GARNL3: variants seen among roughly 807,000 people sequenced by gnomAD.
GARNL3 encodes GTPase-activating Rap/Ran-GAP domain-like protein 3.
A neutral mutation model predicts 125.0 loss-of-function variants in GARNL3; 63 were observed. The observed-to-expected ratio is 0.50, with a 90% CI of 0.41 to 0.62. The LOEUF is 0.62. GARNL3 is among the 20% of genes least tolerant of loss of function. The pLI, the probability that GARNL3 is intolerant of heterozygous loss-of-function variation, is 0.00. For synonymous variants in GARNL3, 439 were observed against 457.5 expected (o/e 0.96, Z 0.52); for missense variants, 994 against 1,244.0 (o/e 0.80, Z 3.02).
At chr9:127,227,413 C>A (rs2062932281) in intron 1 of GARNL3, among the ~76,000 whole-genome samples, 1 of 152,112 alleles carries the variant, frequency 6.6e-6, no homozygotes, top group African/African-American at 2.4e-5. Flanking sequence ...CCAGCTTGGC[C>A]AACATGGTGA....
intron 7 of GARNL3, among the ~76,000 whole-genome samples, chr9:127,329,773 T>C (rs947254908): frequency 6.6e-6 from 1 of 152,110 alleles, no homozygotes; most frequent in Non-Finnish European, 1.5e-5. Flanking sequence ...GGTCCTACCG[T>C]TCACTTAGTT....
intron 2 of GARNL3, among the ~76,000 whole-genome samples, chr9:127,249,608 A>C (rs942824855): frequency 6.6e-6 from 1 of 152,148 alleles, no homozygotes; most frequent in Non-Finnish European, 1.5e-5. Context: ...TAGATAAATA[A>C]ATAAAAGATT....
intron 7 of GARNL3, among the ~76,000 whole-genome samples, chr9:127,331,044 C>T (rs1025742301): frequency 6.6e-6 from 1 of 152,058 alleles, no homozygotes; most frequent in Non-Finnish European, 1.5e-5. Context: ...CCTTGTCTAC[C>T]CTTAATTGAC....
chr9:127,295,738 T>A (rs1055531097), intron 2 of GARNL3, among the ~76,000 whole-genome samples: 3 of 152,066 alleles, frequency 2.0e-5, no homozygotes. Context: ...TTTTTTTTTT[T>A]ACTATTACTG....
chr9:127,228,966 C>T (rs1588650281), intron 1 of GARNL3, among the ~76,000 whole-genome samples: 1 of 152,054 alleles, frequency 6.6e-6, no homozygotes, highest in South Asian at 2.1e-4. Context: ...GGATTACAGG[C>T]GCATGCCACC....
At chr9:127,284,858 G>A (rs2064202820) in intron 1 of GARNL3, among the ~76,000 whole-genome samples, 1 of 151,838 alleles carries the variant, frequency 6.6e-6, no homozygotes, top group African/African-American at 2.4e-5. Context: ...TTAAAGAGAT[G>A]GGATATCACT....
chr9:127,376,326 C>G (rs550377039), intron 22 of GARNL3, among the ~76,000 whole-genome samples: 1 of 152,110 alleles, frequency 6.6e-6, no homozygotes, highest in African/African-American at 2.4e-5. Context: ...TCACGCCATT[C>G]TCCTGCCTCA....
chr9:127,231,061 T>A (rs1356049107), intron 1 of GARNL3, among the ~76,000 whole-genome samples: 4,231 of 124,794 alleles, frequency 0.034, 93 homozygotes, highest in Middle Eastern at 0.054. Flanking sequence ...TTTTTTTTTT[T>A]TTTTTTTTTT....
chr9:127,307,859 C>G (rs538838761), intron 2 of GARNL3, among the ~76,000 whole-genome samples: 1 of 152,286 alleles, frequency 6.6e-6, no homozygotes, highest in South Asian at 2.1e-4. Context: ...TCTGCTCTAG[C>G]TTTGTAGGAT....
chr9:127,308,395 G>T (rs2065011833), intron 2 of GARNL3, among the ~76,000 whole-genome samples: 1 of 152,180 alleles, frequency 6.6e-6, no homozygotes, highest in Admixed American at 6.5e-5. Flanking sequence ...CTACTTGGGG[G>T]TGGAAGGTAA....
chr9:127,359,624 G>A (rs1311661256), intron 21 of GARNL3, among the ~76,000 whole-genome samples: 1 of 152,180 alleles, frequency 6.6e-6, no homozygotes, highest in African/African-American at 2.4e-5. Flanking sequence ...CTAAGACTTA[G>A]CCAGCTTTTG....
At chr9:127,317,226 T>G (rs1340219767) in intron 4 of GARNL3, among the ~76,000 whole-genome samples, 1 of 152,204 alleles carries the variant, frequency 6.6e-6, no homozygotes, top group African/African-American at 2.4e-5. Context: ...TGAGTCACAG[T>G]TGGTACTCAT....
chr9:127,291,398 G>C (rs926717955), intron 2 of GARNL3, among the ~76,000 whole-genome samples, 156 bp downstream of exon 2: 2 of 152,198 alleles, frequency 1.3e-5, no homozygotes, highest in Non-Finnish European at 1.5e-5. Context: ...GGCATGGAAG[G>C]TGCTATTCAT....
chr9:127,258,875 G>A (rs191544486), upstream of GARNL3, among the ~76,000 whole-genome samples: 47 of 152,250 alleles, frequency 3.1e-4, no homozygotes, highest in African/African-American at 1.0e-3. Context: ...TCTGCCTATC[G>A]TGGAGCAGGG....
intron 22 of GARNL3, among the ~76,000 whole-genome samples, chr9:127,368,693 G>C (rs1258064697): frequency 6.6e-6 from 1 of 150,760 alleles, no homozygotes; most frequent in Non-Finnish European, 1.5e-5. Flanking sequence ...CCAGCACTTT[G>C]AGAGGCTGAG....
chr9:127,357,141 G>C, intron 20 of GARNL3, 78 bp from the exon 21 acceptor site: 1 of 1,433,734 alleles, frequency 7.0e-7, no homozygotes, highest in Middle Eastern at 1.8e-4. Context: ...TGTAAGGAGG[G>C]AATGGGCAGT....
chr9:127,227,686 G>T (rs1435015575), intron 1 of GARNL3, among the ~76,000 whole-genome samples: 1 of 152,076 alleles, frequency 6.6e-6, no homozygotes, highest in African/African-American at 2.4e-5. Flanking sequence ...GGAGGCTGAG[G>T]CACGGGGACC....
At chr9:127,264,003 C>G (rs1171888075), upstream of GARNL3, 1 of 1,501,508 alleles carries the variant, frequency 6.7e-7, no homozygotes, top group South Asian at 1.2e-5. Flanking sequence ...TGAAAAGGTA[C>G]TAAATGCACC....
chr9:127,260,890 T>G (rs1199472742), upstream of GARNL3, among the ~76,000 whole-genome samples: 1 of 152,130 alleles, frequency 6.6e-6, no homozygotes, highest in East Asian at 1.9e-4. Context: ...AAACCCTGAA[T>G]CCTAGTGACT....
Sources: gnomAD v4.1 joint callset for allele counts (sites outside exome capture counted in the v4.1 genomes callset) on GRCh38, gnomAD v4.1.1 for gene constraint, MANE v1.5 for transcripts, NCBI Gene and HGNC (gene_info 2026-07-23, HGNC 2026-07-21) for gene names.